Variants in PPP1R14C observed in about 807,000 individuals in gnomAD.
PPP1R14C encodes protein phosphatase 1 regulatory subunit 14C.
PPP1R14C carries 16 observed loss-of-function variants against 20.4 expected under a neutral mutation model. That is an observed-to-expected ratio of 0.78 (90% CI 0.53 to 1.19). The LOEUF is 1.19. Ranked by LOEUF, PPP1R14C falls within the 50% of genes most tolerant of loss-of-function variation. The probability of loss-of-function intolerance (pLI) is 0.00; values close to 1 mark genes in which losing one functional copy is unlikely to be tolerated. For missense variants in PPP1R14C, 211 were observed against 220.1 expected, an observed-to-expected ratio of 0.96 and a Z score of 0.26; for synonymous variants, 91 against 91.0, an observed-to-expected ratio of 1.00 and a Z score of 0.00.
intron 1 of PPP1R14C, among the ~76,000 whole-genome samples, chr6:150,160,321 G>A (rs929864846): frequency 2.1e-4 from 30 of 144,964 alleles, no homozygotes; most frequent in Non-Finnish European, 4.0e-4. Context: ...CTGGAGTGCA[G>A]TGGCGCGATC....
chr6:150,234,324 G>T (rs1778328476), intron 3 of PPP1R14C, among the ~76,000 whole-genome samples: 2 of 152,166 alleles, frequency 1.3e-5, no homozygotes, highest in Admixed American at 1.3e-4. Context: ...AAACTGTGGG[G>T]AGGGGGGCGG....
chr6:150,156,018 C>T (rs1777301320), intron 1 of PPP1R14C, among the ~76,000 whole-genome samples: 1 of 94,314 alleles, frequency 1.1e-5, no homozygotes, highest in South Asian at 4.4e-4. Flanking sequence ...GAGTGAGACT[C>T]TGTCTCAAAA....
rs528861277 is a variant in PPP1R14C, at chr6:150,204,225, T to C, written c.307-10519T>C. ...CCATCTTTAGCAACTGTCTCAGCCG[T>C]CACTTATTTTCACTCGTCTTACGAG... On this transcript the variant is annotated intron_variant, in intron 1 of 3. Coordinates refer to ENST00000361131, the MANE Select transcript of PPP1R14C (RefSeq NM_030949.3). 3.9e-5 allele frequency among the ~76,000 whole-genome samples: 6 copies of C among 152,318 alleles called. No individual in the cohort carries two copies. In the East Asian group the frequency reaches 9.7e-4, roughly 25 times the overall value.
At chr6:150,204,683 A>AT (rs1777922236) in intron 1 of PPP1R14C, among the ~76,000 whole-genome samples, 1 of 152,134 alleles carries the variant, frequency 6.6e-6, no homozygotes, top group Non-Finnish European at 1.5e-5. Context: ...GGGTTAGGGG[A>AT]TGCGTTACCC....
At chr6:150,180,925 T>C (rs756750877) in intron 1 of PPP1R14C, among the ~76,000 whole-genome samples, 6 of 152,204 alleles carry the variant, frequency 3.9e-5, no homozygotes, top group Non-Finnish European at 4.4e-5. Context: ...GAAAAATTAG[T>C]GTCCACATTC....
intron 1 of PPP1R14C, among the ~76,000 whole-genome samples, chr6:150,166,951 C>G (rs547764062): frequency 1.2e-3 from 187 of 152,292 alleles, no homozygotes; most frequent in African/African-American, 4.3e-3. Flanking sequence ...CAGAAAGAGG[C>G]CAGGCGCGGT....
chr6:150,143,136 G>C lies in PPP1R14C; in HGVS notation c.-57G>C. ...CCGGGCCGGAGGTGGTAGCGGCGCC[G>C]GGCGCGCTCCGCCCGCCCCTCCTCC... On this transcript the variant is annotated 5_prime_UTR_variant, in exon 1 of 4. Transcript: ENST00000361131. The surrounding 1 kb of genome is among the most constrained non-coding windows in gnomAD (Gnocchi z 5.6). 1 of 1,186,886 alleles carries C rather than the reference G, an allele frequency of 8.4e-7. No homozygotes were observed. Among genetic ancestry groups the C allele is most frequent in the Non-Finnish European group, 1.0e-6 (1 of 961,848 alleles). The allele number at this position is 1,186,886 out of a possible 1,614,324, so 73.5% of individuals were successfully genotyped here.
At position 150,201,425 on chromosome 6, in the gene PPP1R14C, C is replaced by T. The variant is rs1777876016; in HGVS notation, c.307-13319C>T. 6.6e-6 allele frequency among the ~76,000 whole-genome samples: 1 copy of T among 152,132 alleles called. No individual in the cohort carries two copies. Among genetic ancestry groups the T allele is most frequent in the Non-Finnish European group, 1.5e-5 (1 of 68,042 alleles). The stretch of plus-strand genomic sequence containing the variant: ...GAGATAACAAGAAGAGTGTCCTACA[C>T]ATGCACCCAGCACGTGCAAAGGCCC... On this transcript the variant is annotated intron_variant, in intron 1 of 3. Transcript: ENST00000361131. The surrounding 1 kb of genome is among the most constrained non-coding windows in gnomAD (Gnocchi z 4.2).
intron 1 of PPP1R14C, among the ~76,000 whole-genome samples, chr6:150,183,186 A>AT (rs529133964): frequency 0.03 from 4,248 of 143,230 alleles, 170 homozygotes; most frequent in African/African-American, 0.095. Flanking sequence ...TTTGAAGGGG[A>AT]TTTTTTTTTT....
At chr6:150,151,670 A>C (rs1312934910) in intron 1 of PPP1R14C, among the ~76,000 whole-genome samples, 1 of 152,164 alleles carries the variant, frequency 6.6e-6, no homozygotes, top group Non-Finnish European at 1.5e-5. Context: ...TCCTCCCAAC[A>C]ACTTTATGAA....
intron 1 of PPP1R14C, chr6:150,195,775 C>A: frequency 1.1e-6 from 1 of 944,168 alleles, no homozygotes; most frequent in Non-Finnish European, 1.3e-6. Context: ...CATTCATCTC[C>A]CGAACTTTCT....
rs774066954 is a variant in PPP1R14C, at chr6:150,144,431, C to T, written c.306+933C>T. On this transcript the variant is annotated intron_variant, in intron 1 of 3. Transcript: ENST00000361131. ...AGCCAAAATGATCTCTCATGAGCAT[C>T]TTGAATAACAGTTATTAATTCTAAA... Among the ~76,000 whole-genome samples, 58 of 152,250 alleles carry T rather than the reference C, an allele frequency of 3.8e-4. 1 individual carries two copies. The highest frequency in any genetic ancestry group is 1.2e-3 in the Admixed American group (19 of 15,290).
intron 1 of PPP1R14C, among the ~76,000 whole-genome samples, chr6:150,198,582 G>A (rs555450216): frequency 5.3e-5 from 8 of 152,342 alleles, no homozygotes; most frequent in Admixed American, 3.9e-4. Flanking sequence ...TTTTCTTGAC[G>A]GTCTTGTTTG....
intron 2 of PPP1R14C, among the ~76,000 whole-genome samples, chr6:150,216,062 G>A (rs113110650): frequency 2.6e-4 from 40 of 152,342 alleles, no homozygotes; most frequent in African/African-American, 9.1e-4. Context: ...CGGAAAGGGG[G>A]ATTTGGTTCC....
intron 3 of PPP1R14C, among the ~76,000 whole-genome samples, chr6:150,231,356 G>A (rs1052092492): frequency 2.0e-5 from 3 of 152,112 alleles, no homozygotes; most frequent in African/African-American, 7.2e-5. Context: ...AACATCCAAG[G>A]CCCACCCTTC....
intron 3 of PPP1R14C, among the ~76,000 whole-genome samples, chr6:150,224,661 A>G (rs7763851): frequency 0.061 from 9,305 of 152,248 alleles, 371 homozygotes; most frequent in African/African-American, 0.095. Context: ...CTGTTCTTGC[A>G]TGCTGTCTAC....
chr6:150,184,911 T>C (rs1777660491), intron 1 of PPP1R14C, among the ~76,000 whole-genome samples: 1 of 152,216 alleles, frequency 6.6e-6, no homozygotes, highest in Non-Finnish European at 1.5e-5. Flanking sequence ...TGAGATATGC[T>C]TGATCATGAA....
chr6:150,209,053 T>G (rs1353969465), intron 1 of PPP1R14C, among the ~76,000 whole-genome samples: 1 of 152,224 alleles, frequency 6.6e-6, no homozygotes, highest in East Asian at 1.9e-4. Context: ...ATTGTTCAGA[T>G]GAGTGTTTGA....
chr6:150,147,068 G>A (rs1043779038), intron 1 of PPP1R14C, among the ~76,000 whole-genome samples: 17 of 149,890 alleles, frequency 1.1e-4, no homozygotes, highest in Admixed American at 4.0e-4. Context: ...TGATTATAAT[G>A]TAACCATTAG....
Sources: gnomAD v4.1 joint callset for allele counts (sites outside exome capture counted in the v4.1 genomes callset) on GRCh38, gnomAD v4.1.1 for gene constraint, Gnocchi (gnomAD v3.1) non-coding constraint, MANE v1.5 for transcripts, NCBI Gene and HGNC (gene_info 2026-07-23, HGNC 2026-07-21) for gene names.